ARL17A: variants seen among roughly 807,000 people sequenced by gnomAD.
ARL17A encodes ARF like GTPase 17A.
the ARL17A span, among the ~76,000 whole-genome samples, chr17:46,502,263 C>T: frequency 6.6e-6 from 1 of 150,986 alleles, no homozygotes; most frequent in Non-Finnish European, 1.5e-5. Flanking sequence ...GAACTCAGAG[C>T]CTTGGGTTAC....
intron 3 of ARL17A, among the ~76,000 whole-genome samples, chr17:46,539,768 CAAAAAAA>C (rs1204528686): frequency 1.9e-4 from 13 of 67,030 alleles, no homozygotes; most frequent in East Asian, 3.6e-4. Context: ...GACTCCATCT[CAAAAAAA>C]AAAAAAAAAA....
At chr17:46,502,581 C>A in the ARL17A span, among the ~76,000 whole-genome samples, 1 of 151,252 alleles carries the variant, frequency 6.6e-6, no homozygotes, top group African/African-American at 2.5e-5. Context: ...GGATTACAGG[C>A]ATGAGCCACT....
chr17:46,500,876 A>G, the ARL17A span, among the ~76,000 whole-genome samples: 4 of 150,950 alleles, frequency 2.6e-5, no homozygotes, highest in Non-Finnish European at 5.9e-5. Context: ...CAACCTGGGA[A>G]TTGTTAGAAA....
intron 3 of ARL17A, among the ~76,000 whole-genome samples, chr17:46,569,349 T>TTATA (rs369186347): frequency 1.1e-4 from 16 of 147,252 alleles, no homozygotes; most frequent in East Asian, 2.0e-4. Context: ...CATGAAGATT[T>TTATA]TATATATATA....
chr17:46,558,421 C>CT (rs1318267379), intron 3 of ARL17A, among the ~76,000 whole-genome samples: 2 of 110,386 alleles, frequency 1.8e-5, no homozygotes, highest in African/African-American at 7.8e-5. Context: ...GAGACAGTCT[C>CT]TGTCACCCAG....
intron 3 of ARL17A, among the ~76,000 whole-genome samples, chr17:46,541,859 T>C (rs1008795734): frequency 1.3e-5 from 2 of 150,690 alleles, no homozygotes; most frequent in African/African-American, 5.0e-5. Flanking sequence ...CTTTGGTATC[T>C]GCAGGGGGTC....
intron 3 of ARL17A, among the ~76,000 whole-genome samples, chr17:46,558,234 A>T (rs1032113461): frequency 4.3e-4 from 34 of 78,592 alleles, no homozygotes; most frequent in African/African-American, 5.6e-4. Context: ...TAATTTTTGT[A>T]TTTTTAGTAG....
downstream of ARL17A, among the ~76,000 whole-genome samples, chr17:46,551,206 C>A (rs2056776107): frequency 6.7e-6 from 1 of 149,052 alleles, no homozygotes; most frequent in African/African-American, 2.6e-5. Context: ...ATCAACTTAC[C>A]TAAAGCCTAC....
the ARL17A span, among the ~76,000 whole-genome samples, chr17:46,503,400 TGTTTTCCTCTGGCAC>T: frequency 6.8e-6 from 1 of 147,236 alleles, no homozygotes; most frequent in African/African-American, 2.6e-5. Context: ...GAATAAGATA[TGTTTTCCTCTGGCAC>T]TTATGGAGCT....
rs1355519042 is a variant in ARL17A, at chr17:46,558,376, G to T, written c.260-746C>A. Among the ~76,000 whole-genome samples the T allele has an allele frequency of 2.3e-4, 25 of 106,838 alleles. 2 individuals carry two copies. Among genetic ancestry groups the T allele is most frequent in the East Asian group, 1.4e-3 (4 of 2,856 alleles). 70.1% of individuals were successfully genotyped at this position (106,838 alleles called of 152,430 possible). A position where few individuals can be genotyped will look rare whatever the true frequency, so the allele number is the denominator to read the frequency against. On this transcript the variant is annotated intron_variant, in intron 3 of 3. Transcript: ENST00000336125. ...CGCCTGGCTTGTTTTGGGTTTTGGG[G>T]TTTTTTTTGTGTTTTGTTTGTTTGT...
intron 3 of ARL17A, chr17:46,558,833 ATT>A: frequency 1.2e-5 from 1 of 83,130 alleles, no homozygotes; most frequent in East Asian, 3.3e-4. Context: ...GACCTCTTTT[ATT>A]CTTTTTTTTT....
intron 4 of ARL17A, among the ~76,000 whole-genome samples, chr17:46,534,716 C>G (rs2054330951): frequency 6.7e-6 from 1 of 150,150 alleles, no homozygotes; most frequent in South Asian, 2.1e-4. Context: ...TTGGGTACAC[C>G]TCCCAGACGG....
At chr17:46,542,541 A>ATT (rs999362484) in intron 3 of ARL17A, among the ~76,000 whole-genome samples, 5 of 148,356 alleles carry the variant, frequency 3.4e-5, no homozygotes, top group African/African-American at 1.3e-4. Context: ...AGATATATAT[A>ATT]TAAATCAGCC....
chr17:46,548,930 C>T (rs1431039661), downstream of ARL17A: 1 of 1,612,498 alleles, frequency 6.2e-7, no homozygotes, highest in Non-Finnish European at 8.5e-7. Flanking sequence ...CCTGCAAAAG[C>T]CCTACCACAG....
At chr17:46,530,460 G>A (rs2053527471) in intron 4 of ARL17A, among the ~76,000 whole-genome samples, 1 of 141,128 alleles carries the variant, frequency 7.1e-6, no homozygotes. Flanking sequence ...TAGGAAAGAG[G>A]AGGGGGATCA....
At chr17:46,545,868 C>T (rs2056233741) in intron 3 of ARL17A, among the ~76,000 whole-genome samples, 1 of 150,264 alleles carries the variant, frequency 6.7e-6, no homozygotes, top group South Asian at 2.1e-4. Flanking sequence ...TATAATATTT[C>T]CCACTCCCAA....
the ARL17A span, among the ~76,000 whole-genome samples, chr17:46,501,081 AAT>A: frequency 6.6e-6 from 1 of 151,298 alleles, no homozygotes. Context: ...TTAGAGACAG[AAT>A]ATCCCTGTGT....
At chr17:46,558,455 C>T (rs879480468) in intron 3 of ARL17A, among the ~76,000 whole-genome samples, 2 of 117,602 alleles carry the variant, frequency 1.7e-5, no homozygotes, top group South Asian at 2.6e-4. Flanking sequence ...AGCGTGATCT[C>T]GGTTGACTGC....
At chr17:46,526,399 G>C (rs1330093096), downstream of ARL17A, among the ~76,000 whole-genome samples, 1 of 101,756 alleles carries the variant, frequency 9.8e-6, no homozygotes, top group Non-Finnish European at 2.1e-5. Flanking sequence ...AACAAAAAAA[G>C]AGGCCCCAGC....
Sources: gnomAD v4.1 joint callset for allele counts (sites outside exome capture counted in the v4.1 genomes callset) on GRCh38, gnomAD v4.1.1 for gene constraint, MANE v1.5 for transcripts, NCBI Gene and HGNC (gene_info 2026-07-23, HGNC 2026-07-21) for gene names.